The following RLF variants were observed in gnomAD, a reference collection of about 807,000 sequenced individuals.
RLF encodes the protein zinc finger protein Rlf.
Under a neutral mutation model 162.9 loss-of-function variants are expected in RLF, and 7 were observed. The ratio of observed to expected loss-of-function variants is 0.04; its 90% CI spans 0.02 to 0.08. The LOEUF (loss-of-function observed/expected upper bound fraction) is 0.08, where lower values mean the gene tolerates loss of function less well. RLF is among the 10% of genes least tolerant of loss of function. The probability of loss-of-function intolerance (pLI) is 1.00; values close to 1 mark genes in which losing one functional copy is unlikely to be tolerated. For synonymous variants in RLF, 782 were observed against 791.5 expected, an observed-to-expected ratio of 0.99 and a Z score of 0.20; for missense variants, 1,664 against 2,244.7, an observed-to-expected ratio of 0.74 and a Z score of 5.23.
intron 4 of RLF, among the ~76,000 whole-genome samples, chr1:40,198,699 T>C (rs1278445907): frequency 1.3e-5 from 2 of 152,164 alleles, no homozygotes; most frequent in Non-Finnish European, 2.9e-5. Flanking sequence ...TTCTTTTAAA[T>C]GGTTCTGAAA....
intron 7 of RLF, 130 bp downstream of exon 7, chr1:40,231,788 C>A: frequency 1.3e-6 from 1 of 780,918 alleles, no homozygotes; most frequent in Non-Finnish European, 2.0e-6. Context: ...ATGGAATTGA[C>A]CACATCTGAC....
intron 1 of RLF, among the ~76,000 whole-genome samples, chr1:40,182,637 G>GTTA (rs1642418669): frequency 6.6e-6 from 1 of 152,108 alleles, no homozygotes; most frequent in Non-Finnish European, 1.5e-5. Flanking sequence ...AGAAAGCATA[G>GTTA]TTAAATCCTG....
rs745696962 is a variant in RLF at position 40,238,257 on chromosome 1, A to G, written c.3555A>G (p.Thr1185=). ...GCCAAAGGTCATTTACAAGAAAAAC[A>G]CACCTTAGGATTCATTATAAAAATA... The part of the protein sequence containing the change: ...HICQRSFTRK[T]HLRIHYKNKH... The change falls in exon 8 of 8, where the codon ACA becomes ACG. Residue 1185 remains threonine, a synonymous_variant. Transcript: ENST00000372771. The surrounding 1 kb of genome is among the most constrained non-coding windows in gnomAD (Gnocchi z 5.2). The G allele has an allele frequency of 7.4e-6, 12 of 1,613,982 alleles. No homozygotes were observed. The African/African-American group carries it at 1.3e-4, about 18-fold the overall frequency.
chr1:40,236,861 G>A lies in RLF; in HGVS notation c.2159G>A (p.Arg720Gln), dbSNP rs373629841. ...KNRREKCTYC[R>Q]RHFMSAFHLR... ...AGAAGAGAGAAGTGTACTTACTGTC[G>A]ACGACATTTTATGTCTGCTTTTCAC... The change falls in exon 8 of 8, where the codon CGA (arginine) becomes CAA (glutamine). Residue 720 changes from arginine (R) to glutamine (Q), a missense_variant. Around this residue, in one of 15 missense-constraint regions of RLF, gnomAD observed 69 missense variants for 206.4 expected, o/e 0.33. Coordinates refer to ENST00000372771, the MANE Select transcript of RLF (RefSeq NM_012421.4). This position sits in a 1 kb window ranked among gnomAD's most constrained non-coding sequence, Gnocchi z 7.7. 2.5e-6 allele frequency: 4 copies of A among 1,613,966 alleles called. No homozygotes were observed. Among genetic ancestry groups the A allele is most frequent in the Non-Finnish European group, 3.4e-6 (4 of 1,180,012 alleles).
In RLF at chr1:40,161,647, G is replaced by A. The variant is rs754041026; in HGVS notation, c.237+11G>A. On this transcript the variant is annotated intron_variant, in intron 1 of 7. Coordinates refer to ENST00000372771, the MANE Select transcript of RLF (RefSeq NM_012421.4). The surrounding 1 kb of genome is among the most constrained non-coding windows in gnomAD (Gnocchi z 4.4). The stretch of plus-strand genomic sequence containing the variant: ...CGGAGCTTCTGCCAGGTGAGGGGCT[G>A]ACTGGCTGGCTGAGGGCGGCGGGGC... The A allele has an allele frequency of 8.1e-6, 13 of 1,608,802 alleles. No individual in the cohort carries two copies. The highest frequency in any genetic ancestry group is 3.4e-6 in the Non-Finnish European group (4 of 1,178,132).
At chr1:40,204,020 G>A (rs1174700291) in intron 5 of RLF, among the ~76,000 whole-genome samples, 2 of 150,606 alleles carry the variant, frequency 1.3e-5, no homozygotes, top group South Asian at 4.2e-4. Context: ...CTCAAAGAGC[G>A]AGAGGTCCTC....
chr1:40,217,236 T>G (rs1021483211), intron 5 of RLF, among the ~76,000 whole-genome samples: 1 of 151,958 alleles, frequency 6.6e-6, no homozygotes, highest in Non-Finnish European at 1.5e-5. Flanking sequence ...GAGGCTTAGG[T>G]TGGGGGAACA....
intron 1 of RLF, among the ~76,000 whole-genome samples, chr1:40,187,020 T>C (rs1322108437): frequency 2.0e-5 from 3 of 151,998 alleles, no homozygotes; most frequent in African/African-American, 7.2e-5. Context: ...TTTAATAAAT[T>C]TCTTTGTTTT....
intron 1 of RLF, among the ~76,000 whole-genome samples, chr1:40,167,003 T>G (rs1642176702): frequency 6.6e-6 from 1 of 151,956 alleles, no homozygotes; most frequent in Non-Finnish European, 1.5e-5. Flanking sequence ...TAAAGTATAA[T>G]TTTAAAAAAA....
chr1:40,162,801 A>G (rs1247012234), intron 1 of RLF, among the ~76,000 whole-genome samples: 2 of 152,218 alleles, frequency 1.3e-5, no homozygotes, highest in Non-Finnish European at 2.9e-5. Context: ...ACAACCTGCA[A>G]CATTGCCCTG....
chr1:40,214,947 T>TAAAAAAAAAAAAAAAA (rs1642906912), intron 5 of RLF, among the ~76,000 whole-genome samples: 25 of 65,042 alleles, frequency 3.8e-4, no homozygotes, highest in Non-Finnish European at 6.2e-4. Context: ...AAAAAAAAAC[T>TAAAAAAAAAAAAAAAA]AAAGTATGAG....
At chr1:40,175,628 G>A (rs1259026715) in intron 1 of RLF, among the ~76,000 whole-genome samples, 11 of 151,786 alleles carry the variant, frequency 7.2e-5, no homozygotes, top group Admixed American at 6.6e-5. Flanking sequence ...CAGCCTGGGC[G>A]ACAGAGTGAG....
At chr1:40,171,213 G>A (rs1211059304) in intron 1 of RLF, among the ~76,000 whole-genome samples, 1 of 151,988 alleles carries the variant, frequency 6.6e-6, no homozygotes, top group African/African-American at 2.4e-5. Flanking sequence ...AATTTTTGTA[G>A]AGACAGGGTC....
At chr1:40,170,149 A>G (rs773049191) in intron 1 of RLF, among the ~76,000 whole-genome samples, 22 of 152,160 alleles carry the variant, frequency 1.4e-4, no homozygotes, top group Admixed American at 1.3e-4. Flanking sequence ...TTCCACTACA[A>G]TAAAGCAAAG....
chr1:40,224,623 C>CTTTTTTTTT lies in RLF; in HGVS notation c.947+1936_947+1944dup, dbSNP rs1168908018. On this transcript the variant is annotated intron_variant, in intron 6 of 7. Transcript: ENST00000372771. ...TTTCCCCTTCCATTGTTTTTGAAAG[C>CTTTTTTTTT]TTTTTTTTTTTTTTTTTTTTTTTTT... Among the ~76,000 whole-genome samples, 19 of 33,260 alleles carry CTTTTTTTTT rather than the reference C, an allele frequency of 5.7e-4. 2 individuals are homozygous for CTTTTTTTTT. The highest frequency in any genetic ancestry group is 2.7e-3 in the East Asian group (2 of 728). 21.8% of individuals were successfully genotyped at this position (33,260 alleles called of 152,430 possible). A position where few individuals can be genotyped will look rare whatever the true frequency, so the allele number is the denominator to read the frequency against.
chr1:40,225,459 A>G (rs1370411875), intron 6 of RLF, among the ~76,000 whole-genome samples: 1 of 151,790 alleles, frequency 6.6e-6, no homozygotes, highest in Non-Finnish European at 1.5e-5. Flanking sequence ...TGTGCCTGTA[A>G]TCCCAGCTAC....
chr1:40,161,819 C>T lies in RLF; in HGVS notation c.237+183C>T, dbSNP rs1375601071. 1.3e-5 allele frequency among the ~76,000 whole-genome samples: 2 copies of T among 152,150 alleles called. No individual in the cohort carries two copies. Among genetic ancestry groups the T allele is most frequent in the Non-Finnish European group, 2.9e-5 (2 of 68,016 alleles). ...CTGGCCCCCCTGCGCCACTGCCCGA[C>T]TTTGGCCACCGCTGGGTCGTTTTGC... On this transcript the variant is annotated intron_variant, in intron 1 of 7. Transcript: ENST00000372771. The surrounding 1 kb of genome is among the most constrained non-coding windows in gnomAD (Gnocchi z 4.4).
In RLF at chr1:40,238,307, C is replaced by G; in HGVS notation, c.3605C>G (p.Ala1202Gly). 6.2e-7 allele frequency: 1 copy of G among 1,614,024 alleles called. No homozygotes were observed. The highest frequency in any genetic ancestry group is 8.5e-7 in the Non-Finnish European group (1 of 1,179,956). The change falls in exon 8 of 8, where the codon GCA becomes GGA. Residue 1202 changes from alanine to glycine, a missense_variant. By Grantham distance (60) the Ala-to-Gly change is moderately conservative. Around this residue, in one of 15 missense-constraint regions of RLF, gnomAD observed 102 missense variants for 109.5 expected, o/e 0.93. Transcript: ENST00000372771. This position sits in a 1 kb window ranked among gnomAD's most constrained non-coding sequence, Gnocchi z 5.2. ...KNKHQIGSDR[A>G]THKLLDNEKC... ...AAACATCAAATTGGCAGTGACAGAG[C>G]AACTCACAAACTATTAGATAATGAA...
intron 4 of RLF, among the ~76,000 whole-genome samples, chr1:40,200,557 GATAGA>G (rs1283570995): frequency 2.0e-5 from 3 of 152,052 alleles, no homozygotes; most frequent in Non-Finnish European, 4.4e-5. Context: ...CTGCACAGAT[GATAGA>G]ATAACCTGTA....
Sources: allele counts gnomAD v4.1 joint callset (sites outside exome capture counted in the v4.1 genomes callset), GRCh38; gene constraint gnomAD v4.1.1; regional missense constraint gnomAD v4.1.1; non-coding constraint Gnocchi (gnomAD v3.1); transcripts MANE v1.5; gene names NCBI Gene and HGNC (gene_info 2026-07-23, HGNC 2026-07-21).